The following ZFYVE28 variants were observed in gnomAD, a reference collection of about 807,000 sequenced individuals.
The protein encoded by ZFYVE28 is zinc finger FYVE-type containing 28.
ZFYVE28 carries 40 observed loss-of-function variants against 82.1 expected under a neutral mutation model. The observed-to-expected ratio is 0.49, with a 90% CI of 0.38 to 0.63. The LOEUF (loss-of-function observed/expected upper bound fraction) is 0.63, where lower values mean the gene tolerates loss of function less well. ZFYVE28 is among the 30% of genes least tolerant of loss of function. ZFYVE28 has a pLI of 0.00. For missense variants in ZFYVE28, 1,321 were observed against 1,242.1 expected (o/e 1.06, Z -0.96); for synonymous variants, 612 against 546.1 (o/e 1.12, Z -1.68).
chr4:2,330,823 C>A, intron 6 of ZFYVE28: 2 of 1,533,238 alleles, frequency 1.3e-6, no homozygotes, highest in Non-Finnish European at 1.7e-6. Context: ...ATGGTGGAGA[C>A]CCAGGGCAGC....
At chr4:2,337,337 G>A (rs867989073) in intron 5 of ZFYVE28, 70 bp downstream of exon 5, 24 of 1,412,680 alleles carry the variant, frequency 1.7e-5, no homozygotes, top group Middle Eastern at 4.5e-4. Context: ...GCTGCCCTCT[G>A]CCCCGGGCCT....
At chr4:2,392,268 A>G (rs3135086) in intron 1 of ZFYVE28, among the ~76,000 whole-genome samples, 99,762 of 152,042 alleles carry the variant, frequency 0.66, 33,121 homozygotes, top group East Asian at 0.79. Flanking sequence ...TCCCCTCCAC[A>G]GCCAGCCTGG....
At position 2,320,199 on chromosome 4, in the gene ZFYVE28, C is replaced by A. The variant is rs1364206925; in HGVS notation, c.774G>T (p.Arg258=). The change falls in exon 7 of 13, where the codon CGG becomes CGT. Residue 258 remains arginine, a synonymous_variant. Transcript: ENST00000290974. The surrounding 1 kb of genome is among the most constrained non-coding windows in gnomAD (Gnocchi z 5.1). ...TTTTCCGCAGCAACGTGTGGAAGGGCCGGAACAGCTCGGACATGTCTTCCA... is the reference window on the plus strand; with the variant it reads ...TTTTCCGCAGCAACGTGTGGAAGGGACGGAACAGCTCGGACATGTCTTCCA... ...RKVEDMSELF[R]PFHTLLRKIR... is the part of the protein sequence containing the mutation. The A allele has an allele frequency of 6.2e-7, 1 of 1,611,708 alleles. No homozygotes were observed. Among genetic ancestry groups the A allele is most frequent in the South Asian group, 1.1e-5 (1 of 91,052 alleles).
intron 8 of ZFYVE28, among the ~76,000 whole-genome samples, chr4:2,281,849 G>A (rs1003070028): frequency 1.3e-5 from 2 of 152,180 alleles, no homozygotes; most frequent in African/African-American, 4.8e-5. Flanking sequence ...CAGACACTAT[G>A]TGTCCCCCAA....
chr4:2,329,229 AT>A (rs1378179917), intron 6 of ZFYVE28: 1 of 557,126 alleles, frequency 1.8e-6, no homozygotes, highest in Non-Finnish European at 3.3e-6. Context: ...TTCTAACTAT[AT>A]TAAGTCTTCC....
intron 8 of ZFYVE28, among the ~76,000 whole-genome samples, chr4:2,280,503 C>T (rs903081957): frequency 1.3e-5 from 2 of 152,240 alleles, no homozygotes; most frequent in East Asian, 1.9e-4. Flanking sequence ...ACGAGCAAGA[C>T]CCTGTCTCTT....
intron 7 of ZFYVE28, 83 bp from the exon 8 acceptor site, chr4:2,305,619 G>C (rs1041400430): frequency 2.0e-6 from 3 of 1,528,778 alleles, no homozygotes; most frequent in South Asian, 1.2e-5. Flanking sequence ...CAGCACCCTG[G>C]AGTCTGCACC....
intron 1 of ZFYVE28, among the ~76,000 whole-genome samples, chr4:2,389,668 C>T (rs1729627125): frequency 6.6e-6 from 1 of 152,198 alleles, no homozygotes; most frequent in South Asian, 2.1e-4. Flanking sequence ...GATCCGGCTC[C>T]TCTGTCTTTC....
chr4:2,349,814 AT>A (rs1386000834), intron 2 of ZFYVE28, among the ~76,000 whole-genome samples: 1 of 152,226 alleles, frequency 6.6e-6, no homozygotes, highest in Non-Finnish European at 1.5e-5. Context: ...GAAAAAAAAA[AT>A]CTAACATCTA....
intron 2 of ZFYVE28, among the ~76,000 whole-genome samples, chr4:2,350,463 C>CA (rs1231820889): frequency 1.1e-3 from 129 of 120,674 alleles, no homozygotes; most frequent in East Asian, 3.7e-3. Context: ...GACTCCGTCT[C>CA]AAAAAAAAAA....
In ZFYVE28 at chr4:2,339,116, G is replaced by A. The variant is rs972550285; in HGVS notation, c.521+337C>T. Among the ~76,000 whole-genome samples, 1 of 152,096 alleles carries A rather than the reference G, an allele frequency of 6.6e-6. No individual in the cohort carries two copies. The highest frequency in any genetic ancestry group is 1.5e-5 in the Non-Finnish European group (1 of 68,026). ...CGTGAGCCACCGCACCCGCCTGGCT[G>A]CCTCTGTTTTCTTCTCACCTGTGAC... On this transcript the variant is annotated intron_variant, in intron 4 of 12. Transcript: ENST00000290974. This position sits in a 1 kb window ranked among gnomAD's most constrained non-coding sequence, Gnocchi z 5.0.
chr4:2,374,995 A>C (rs371907775), intron 1 of ZFYVE28, among the ~76,000 whole-genome samples: 1 of 152,196 alleles, frequency 6.6e-6, no homozygotes, highest in African/African-American at 2.4e-5. Context: ...GAGGTTCCAG[A>C]CAGAATCCTC....
In ZFYVE28 at chr4:2,417,427, C is replaced by A. The variant is rs1051933302; in HGVS notation, c.39+858G>T. Among the ~76,000 whole-genome samples the A allele has an allele frequency of 1.3e-5, 2 of 150,410 alleles. No homozygotes were observed. Among genetic ancestry groups the A allele is most frequent in the African/African-American group, 4.9e-5 (2 of 41,230 alleles). On this transcript the variant is annotated intron_variant, in intron 1 of 12. Transcript: ENST00000290974. This position sits in a 1 kb window ranked among gnomAD's most constrained non-coding sequence, Gnocchi z 4.8. ...GACGCAGCGCCCGCAGTGCGACTGG[C>A]GCAGCCGCTGAGGCACGGGGCGCGC...
rs1716414350 is a variant in ZFYVE28, at chr4:2,305,399, A to C, written c.941T>G (p.Leu314Arg). 1.2e-6 allele frequency: 2 copies of C among 1,612,030 alleles called. No homozygotes were observed. The highest frequency in any genetic ancestry group is 1.1e-5 in the South Asian group (1 of 91,032). Reference protein sequence around the residue: ...AALAPALSAPLPPEGPLSAKA... With the variant: ...AALAPALSAPRPPEGPLSAKA... ...AGCTGAGAGTGGCCCCTCAGGGGGG[A>C]GAGGGGCAGAGAGGGCAGGCGCCAG... The change falls in exon 8 of 13, where the codon CTC becomes CGC. Residue 314 changes from leucine to arginine, a missense_variant. By Grantham distance (102) the Leu-to-Arg change is moderately radical. Coordinates refer to ENST00000290974, the MANE Select transcript of ZFYVE28 (RefSeq NM_020972.3).
intron 6 of ZFYVE28, among the ~76,000 whole-genome samples, chr4:2,321,897 G>T (rs565544558): frequency 7.9e-5 from 12 of 151,524 alleles, no homozygotes; most frequent in South Asian, 4.2e-4. Context: ...CAGCAGGAGT[G>T]GGGGGACAAG....
Position 2,271,419 on chromosome 4 carries a change from C to A in ZFYVE28, c.2429-5G>T. ...CTGGCACCCACTCCGGGGGGTCTGT[C>A]ACAACAACAGCAGCGTCACATCAGC... is the stretch of plus-strand genomic sequence containing the variant. On this transcript the variant is annotated splice_polypyrimidine_tract_variant and splice_region_variant and intron_variant, in intron 11 of 12. Transcript: ENST00000290974. 1 of 1,612,260 alleles carries A rather than the reference C, an allele frequency of 6.2e-7. No individual in the cohort carries two copies. The highest frequency in any genetic ancestry group is 8.5e-7 in the Non-Finnish European group (1 of 1,179,538).
chr4:2,410,454 C>CTTTTTTTTTTT (rs11358765), intron 1 of ZFYVE28, among the ~76,000 whole-genome samples: 2 of 119,340 alleles, frequency 1.7e-5, no homozygotes, highest in Non-Finnish European at 3.4e-5. Context: ...TCCTCCCTTT[C>CTTTTTTTTTTT]TTTTTTTTTT....
intron 1 of ZFYVE28, among the ~76,000 whole-genome samples, chr4:2,390,901 C>T (rs533396190): frequency 6.6e-6 from 1 of 152,254 alleles, no homozygotes; most frequent in Non-Finnish European, 1.5e-5. Context: ...GTTGAGGAAT[C>T]CCTGTCTGTT....
At chr4:2,290,125 C>T (rs1713385046) in intron 8 of ZFYVE28, among the ~76,000 whole-genome samples, 1 of 152,218 alleles carries the variant, frequency 6.6e-6, no homozygotes, top group South Asian at 2.1e-4. Context: ...CACCAGGCCC[C>T]CAGCCTGTGC....
Sources: allele counts gnomAD v4.1 joint callset (sites outside exome capture counted in the v4.1 genomes callset), GRCh38; gene constraint gnomAD v4.1.1; non-coding constraint Gnocchi (gnomAD v3.1); transcripts MANE v1.5; gene names NCBI Gene and HGNC (gene_info 2026-07-23, HGNC 2026-07-21).